TIAM1: variants seen among roughly 807,000 people sequenced by gnomAD.
TIAM1 encodes the protein rho guanine nucleotide exchange factor TIAM1.
TIAM1 carries 65 observed loss-of-function variants against 163.5 expected under a neutral mutation model. The ratio of observed to expected loss-of-function variants is 0.40; its 90% confidence interval spans 0.33 to 0.49. TIAM1 has a LOEUF of 0.49. Among genes scored for constraint, TIAM1 ranks in the 20% least tolerant of loss-of-function variants. The pLI, the probability that TIAM1 is intolerant of heterozygous loss-of-function variation, is 0.77. For missense variants in TIAM1, 1,789 were observed against 2,044.7 expected (o/e 0.87, Z 2.41); for synonymous variants, 833 against 810.1 (o/e 1.03, Z -0.48).
chr21:31,130,827 G>T, intron 24 of TIAM1, 63 bp downstream of exon 24: 1 of 1,465,720 alleles, frequency 6.8e-7, no homozygotes, highest in Non-Finnish European at 9.6e-7. Context: ...GAATTATGCA[G>T]GCATAACTGA....
chr21:31,219,598 C>G (rs139632176), intron 8 of TIAM1, among the ~76,000 whole-genome samples: 2 of 152,096 alleles, frequency 1.3e-5, no homozygotes, highest in African/African-American at 4.8e-5. Flanking sequence ...GGGACCCCTA[C>G]GTACATTAAA....
intron 4 of TIAM1, among the ~76,000 whole-genome samples, chr21:31,257,707 C>T (rs577783705): frequency 7.9e-5 from 12 of 152,252 alleles, no homozygotes; most frequent in African/African-American, 1.7e-4. Flanking sequence ...GACCCTCCCC[C>T]GGTGTCCCGC....
chr21:31,535,872 C>T (rs2048116344), intron 1 of TIAM1, among the ~76,000 whole-genome samples: 1 of 152,160 alleles, frequency 6.6e-6, no homozygotes, highest in Non-Finnish European at 1.5e-5. Context: ...AAACTGAAGG[C>T]CCATCAGGTG....
intron 1 of TIAM1, among the ~76,000 whole-genome samples, chr21:31,518,882 GT>G (rs2047471327): frequency 6.6e-6 from 1 of 152,182 alleles, no homozygotes; most frequent in Non-Finnish European, 1.5e-5. Context: ...TGGTAACATT[GT>G]TTTTACAGAA....
chr21:31,542,718 G>C (rs941910539), intron 1 of TIAM1, among the ~76,000 whole-genome samples: 2 of 152,162 alleles, frequency 1.3e-5, no homozygotes, highest in Non-Finnish European at 2.9e-5. Flanking sequence ...TGTAATCCCA[G>C]CACTTTGGGA....
chr21:31,262,233 AC>A (rs1385627518), intron 4 of TIAM1, among the ~76,000 whole-genome samples: 1 of 152,210 alleles, frequency 6.6e-6, no homozygotes, highest in Non-Finnish European at 1.5e-5. Flanking sequence ...TTTAAGAGGC[AC>A]TGAGATCCAT....
intron 15 of TIAM1, among the ~76,000 whole-genome samples, chr21:31,180,550 G>A (rs925921192): frequency 6.6e-6 from 1 of 151,608 alleles, no homozygotes; most frequent in Non-Finnish European, 1.5e-5. Flanking sequence ...TAACCCAGAA[G>A]AAGGGCTCAG....
intron 13 of TIAM1, among the ~76,000 whole-genome samples, chr21:31,194,183 C>T (rs1811409151): frequency 6.6e-6 from 1 of 152,004 alleles, no homozygotes; most frequent in Admixed American, 6.6e-5. Flanking sequence ...TCTTGTGTGT[C>T]CGCATCCTCG....
At chr21:31,369,760 C>A (rs897036297) in intron 2 of TIAM1, among the ~76,000 whole-genome samples, 13 of 152,042 alleles carry the variant, frequency 8.6e-5, no homozygotes, top group African/African-American at 3.1e-4. Flanking sequence ...GAGGCTGAGG[C>A]GGGTGGATCA....
Position 31,165,072 on chromosome 21 carries a change from G to A in TIAM1, c.2888-7C>T. ...TCGCTGCAAAGGCTGTGCCCTGTCA[G>A]ATGAAATCAGAAGAAAATGTGGGTC... On this transcript the variant is annotated splice_polypyrimidine_tract_variant and splice_region_variant and intron_variant, in intron 15 of 27. Transcript: ENST00000541036. 1 of 1,613,470 alleles carries A rather than the reference G, an allele frequency of 6.2e-7. No homozygotes were observed. The highest frequency in any genetic ancestry group is 8.5e-7 in the Non-Finnish European group (1 of 1,179,946).
chr21:31,298,811 AG>A (rs2074393586), intron 2 of TIAM1, among the ~76,000 whole-genome samples: 2 of 151,646 alleles, frequency 1.3e-5, no homozygotes, highest in African/African-American at 4.9e-5. Context: ...AGAGAGAGAG[AG>A]AGAGAGAGAG....
chr21:31,479,312 C>A (rs1670546776), intron 1 of TIAM1, among the ~76,000 whole-genome samples: 1 of 152,072 alleles, frequency 6.6e-6, no homozygotes, highest in African/African-American at 2.4e-5. Flanking sequence ...CTAAAATCTG[C>A]AACATGATTT....
chr21:31,284,005 G>A, intron 2 of TIAM1, among the ~76,000 whole-genome samples: 1 of 152,194 alleles, frequency 6.6e-6, no homozygotes, highest in Non-Finnish European at 1.5e-5. Context: ...TACATCGTAA[G>A]GCAGGGTAGA....
chr21:31,310,963 AG>A (rs2074902790), intron 2 of TIAM1, among the ~76,000 whole-genome samples: 1 of 152,190 alleles, frequency 6.6e-6, no homozygotes, highest in East Asian at 1.9e-4. Context: ...CCTCTGACAA[AG>A]GGCCGCATTC....
At chr21:31,341,522 GA>G (rs1569245416) in intron 1 of TIAM1, among the ~76,000 whole-genome samples, 1 of 152,180 alleles carries the variant, frequency 6.6e-6, no homozygotes, top group African/African-American at 2.4e-5. Flanking sequence ...CAAGTGGGTT[GA>G]AAGTACCTAC....
rs773844503 is a variant in TIAM1 at position 31,266,664 on chromosome 21, G to A, written c.309C>T (p.Tyr103=). ...RVDMGLRPVS[Y]TDSSVTPSVD... ...CGCTGGGAGTGACAGAAGAGTCAGTGTAAGACACAGGTCTCAAGCCCATGT... is the reference window on the plus strand; with the variant it reads ...CGCTGGGAGTGACAGAAGAGTCAGTATAAGACACAGGTCTCAAGCCCATGT... Residue 103 remains tyrosine, a synonymous_variant, in exon 4 of 28, where the codon TAC becomes TAT. Transcript: ENST00000541036. The A allele has an allele frequency of 2.5e-6, 4 of 1,614,218 alleles. No homozygotes were observed. The African/African-American group carries it at 5.3e-5, about 22-fold the overall frequency.
At chr21:31,277,983 T>C (rs1211936836) in intron 2 of TIAM1, among the ~76,000 whole-genome samples, 2 of 152,216 alleles carry the variant, frequency 1.3e-5, no homozygotes, top group African/African-American at 2.4e-5. Context: ...TAAGTTATCT[T>C]ATTATTTTAA....
chr21:31,515,659 T>A (rs1001803291), intron 1 of TIAM1, among the ~76,000 whole-genome samples: 3 of 152,116 alleles, frequency 2.0e-5, no homozygotes, highest in Middle Eastern at 3.2e-3. Context: ...TCCACCACCA[T>A]CTTCAGACAT....
At chr21:31,531,778 G>A (rs1220152359) in intron 1 of TIAM1, among the ~76,000 whole-genome samples, 1 of 145,986 alleles carries the variant, frequency 6.8e-6, no homozygotes, top group East Asian at 2.0e-4. Flanking sequence ...AAAAAAAGAT[G>A]CCTCCTTGGG....
Sources: gnomAD v4.1 joint callset for allele counts (sites outside exome capture counted in the v4.1 genomes callset) on GRCh38, gnomAD v4.1.1 for gene constraint, MANE v1.5 for transcripts, NCBI Gene and HGNC (gene_info 2026-07-23, HGNC 2026-07-21) for gene names.